The following PPP1R21 variants were observed in gnomAD, a reference collection of about 807,000 sequenced individuals.
The protein encoded by PPP1R21 is KLRAQ motif containing 1.
In PPP1R21, 85 loss-of-function variants were observed where a neutral mutation model predicts 112.8. The ratio of observed to expected loss-of-function variants is 0.75; its 90% confidence interval spans 0.63 to 0.90. The LOEUF is 0.90. PPP1R21 is among the 40% of genes least tolerant of loss of function. The pLI is 0.00. For synonymous variants in PPP1R21, 381 were observed against 322.3 expected, an observed-to-expected ratio of 1.18 and a Z score of -1.95; for missense variants, 1,199 against 901.5, an observed-to-expected ratio of 1.33 and a Z score of -4.23.
chr2:48,468,417 A>G (rs910702490), intron 9 of PPP1R21, among the ~76,000 whole-genome samples: 2 of 152,216 alleles, frequency 1.3e-5, no homozygotes, highest in African/African-American at 4.8e-5. Context: ...ATGTTCTTTA[A>G]TATCACTGTG....
rs921415969 is a variant in PPP1R21, at chr2:48,471,500, C to T, written c.1088+133C>T. ...CTGCTTCACAGTTAATTTGGACTTC[C>T]GTGAAAAAGGAAAAGCATGGTTGAG... is the stretch of plus-strand genomic sequence containing the variant. On this transcript the variant is annotated intron_variant, in intron 11 of 21. Transcript: ENST00000294952. The T allele has an allele frequency of 2.8e-5, 24 of 856,300 alleles. No individual in the cohort carries two copies. The African/African-American group carries it at 2.9e-4, about 10-fold the overall frequency. 53.0% of individuals were successfully genotyped at this position (856,300 alleles called of 1,614,324 possible).
At position 48,449,923 on chromosome 2, in the gene PPP1R21, T is replaced by C. The variant is rs1483175057; in HGVS notation, c.58-1085T>C. ...AGCTTGTATATTTATGCTTAAGTGC[T>C]CTGTGTTCTCTTCACTGAGAATACT... On this transcript the variant is annotated intron_variant, in intron 1 of 21. Coordinates refer to ENST00000294952, the MANE Select transcript of PPP1R21 (RefSeq NM_001135629.3). 1.4e-4 allele frequency among the ~76,000 whole-genome samples: 21 copies of C among 152,338 alleles called. No homozygotes were observed. The East Asian group carries it at 4.0e-3, about 29-fold the overall frequency.
chr2:48,482,770 CT>C (rs139502380), intron 13 of PPP1R21, among the ~76,000 whole-genome samples: 28,501 of 150,544 alleles, frequency 0.19, 2,967 homozygotes, highest in Non-Finnish European at 0.24. Flanking sequence ...CATCAGATGA[CT>C]TTTTTTTCCC....
intron 11 of PPP1R21, among the ~76,000 whole-genome samples, 166 bp from the exon 12 acceptor site, chr2:48,474,517 G>A (rs543394232): frequency 6.6e-6 from 1 of 152,208 alleles, no homozygotes; most frequent in African/African-American, 2.4e-5. Context: ...GCAGCAAGCA[G>A]TGTATGTATC....
chr2:48,512,803 G>A (rs1670700418), intron 21 of PPP1R21, among the ~76,000 whole-genome samples: 1 of 151,134 alleles, frequency 6.6e-6, no homozygotes, highest in African/African-American at 2.4e-5. Flanking sequence ...GGAAACTTGA[G>A]CTTGGGGGTA....
Position 48,499,389 on chromosome 2 carries a change from G to A in PPP1R21, c.1935+654G>A, listed in dbSNP as rs192433770. Among the ~76,000 whole-genome samples the A allele has an allele frequency of 2.7e-3, 414 of 152,212 alleles. 1 individual carries two copies. The highest frequency in any genetic ancestry group is 0.01 in the Middle Eastern group (3 of 294). ...AACATTTGTAATATGGGGTTATTAT[G>A]TTTCTAACAAAGGACCAAATGCCTA... On this transcript the variant is annotated intron_variant, in intron 17 of 21. Coordinates refer to ENST00000294952, the MANE Select transcript of PPP1R21 (RefSeq NM_001135629.3).
Position 48,476,305 on chromosome 2 carries a change from G to C in PPP1R21, c.1225+1486G>C, listed in dbSNP as rs140501476. ...CAGTACTCAATTTTTATTGCAGAATGCTATTATATTTTATGGATGTATCAC... is the reference window on the plus strand; with the variant it reads ...CAGTACTCAATTTTTATTGCAGAATCCTATTATATTTTATGGATGTATCAC... On this transcript the variant is annotated intron_variant, in intron 12 of 21. Coordinates refer to ENST00000294952, the MANE Select transcript of PPP1R21 (RefSeq NM_001135629.3). 6.2e-4 allele frequency among the ~76,000 whole-genome samples: 94 copies of C among 152,268 alleles called. 1 individual carries two copies. The East Asian group carries it at 0.017, about 27-fold the overall frequency.
rs758944211 is a variant in PPP1R21 at position 48,465,036 on chromosome 2, G to T, written c.747+47G>T. The T allele has an allele frequency of 3.5e-6, 5 of 1,433,668 alleles. No homozygotes were observed. In the African/African-American group the frequency reaches 6.0e-5, roughly 17 times the overall value. The allele number at this position is 1,433,668 out of a possible 1,614,324, so 88.8% of individuals were successfully genotyped here. ...TTTATTTTCAGTTATATATACATCA[G>T]ACTTTCCAGAAACAAGAATTAGTTG... is the stretch of plus-strand genomic sequence containing the variant. On this transcript the variant is annotated intron_variant, in intron 8 of 21. Coordinates refer to ENST00000294952, the MANE Select transcript of PPP1R21 (RefSeq NM_001135629.3).
chr2:48,475,534 C>T (rs1033333839), intron 12 of PPP1R21, among the ~76,000 whole-genome samples: 1 of 151,938 alleles, frequency 6.6e-6, no homozygotes, highest in Non-Finnish European at 1.5e-5. Context: ...ATTTGTTCCC[C>T]TTTGGCCTAA....
rs936781229 is a variant in PPP1R21, at chr2:48,450,903, C to T, written c.58-105C>T. 3 of 842,714 alleles carry T rather than the reference C, an allele frequency of 3.6e-6. No homozygotes were observed. In the African/African-American group the frequency reaches 5.1e-5, roughly 14 times the overall value. 52.2% of individuals were successfully genotyped at this position (842,714 alleles called of 1,614,324 possible). A position where few individuals can be genotyped will look rare whatever the true frequency, so the allele number is the denominator to read the frequency against. ...TTTGTTCTCATATATATGTGAGAAGCTACTTAGTTACTCAGTGTAATGATG... is the reference window on the plus strand; with the variant it reads ...TTTGTTCTCATATATATGTGAGAAGTTACTTAGTTACTCAGTGTAATGATG... On this transcript the variant is annotated intron_variant, in intron 1 of 21. Coordinates refer to ENST00000294952, the MANE Select transcript of PPP1R21 (RefSeq NM_001135629.3).
chr2:48,451,979 GCA>G (rs1667496187), intron 2 of PPP1R21, among the ~76,000 whole-genome samples: 1 of 152,270 alleles, frequency 6.6e-6, no homozygotes, highest in South Asian at 2.1e-4. Context: ...GGTGCTGTTA[GCA>G]CACTCTCAGG....
intron 14 of PPP1R21, among the ~76,000 whole-genome samples, chr2:48,490,149 G>A (rs1669494036): frequency 6.7e-6 from 1 of 149,770 alleles, no homozygotes; most frequent in Admixed American, 6.7e-5. Flanking sequence ...AACCCAGGAG[G>A]CAGAGGTGGC....
At chr2:48,500,321 A>C (rs1411838663) in intron 17 of PPP1R21, among the ~76,000 whole-genome samples, 2 of 152,174 alleles carry the variant, frequency 1.3e-5, no homozygotes, top group Non-Finnish European at 2.9e-5. Context: ...ATATCTGCAC[A>C]GATCAATAAA....
intron 21 of PPP1R21, among the ~76,000 whole-genome samples, chr2:48,512,183 C>T (rs1670671443): frequency 6.6e-6 from 1 of 151,500 alleles, no homozygotes; most frequent in Non-Finnish European, 1.5e-5. Flanking sequence ...AATGTCTTAC[C>T]CTTTTAACTA....
chr2:48,491,224 A>AG, intron 15 of PPP1R21, 54 bp downstream of exon 15: 1 of 1,563,464 alleles, frequency 6.4e-7, no homozygotes, highest in Non-Finnish European at 8.7e-7. Flanking sequence ...GAGTCATTCT[A>AG]GAGAATGGCA....
intron 11 of PPP1R21, among the ~76,000 whole-genome samples, chr2:48,474,244 G>T (rs946498699): frequency 6.6e-6 from 1 of 152,124 alleles, no homozygotes; most frequent in Admixed American, 6.5e-5. Context: ...TTAGCCGGGC[G>T]TGGTGGTGGG....
At chr2:48,454,307 A>G (rs1667614445) in intron 2 of PPP1R21, among the ~76,000 whole-genome samples, 1 of 151,954 alleles carries the variant, frequency 6.6e-6, no homozygotes, top group Admixed American at 6.6e-5. Flanking sequence ...AAGTTTATAA[A>G]TTTGTAGCCT....
intron 19 of PPP1R21, among the ~76,000 whole-genome samples, chr2:48,508,687 C>A (rs1287329653): frequency 1.3e-5 from 2 of 152,184 alleles, no homozygotes; most frequent in African/African-American, 4.8e-5. Flanking sequence ...GGACCTGTGC[C>A]TTGCATGCCT....
chr2:48,494,058 CAAAAAAAAA>C (rs70943344), intron 15 of PPP1R21, among the ~76,000 whole-genome samples: 2 of 63,224 alleles, frequency 3.2e-5, no homozygotes, highest in African/African-American at 6.7e-5. Flanking sequence ...CTCGTCTCTC[CAAAAAAAAA>C]AAAAAAAAAA....
Sources: gnomAD v4.1 joint callset for allele counts (sites outside exome capture counted in the v4.1 genomes callset) on GRCh38, gnomAD v4.1.1 for gene constraint, MANE v1.5 for transcripts, NCBI Gene and HGNC (gene_info 2026-07-23, HGNC 2026-07-21) for gene names.